The following RSRC1 variants were observed in gnomAD, a reference collection of about 807,000 sequenced individuals.
The protein encoded by RSRC1 is serine/Arginine-related protein 53.
Under a neutral mutation model 49.1 loss-of-function variants are expected in RSRC1, and 39 were observed. The observed-to-expected ratio is 0.79, with a 90% CI of 0.61 to 1.04. The LOEUF is 1.04. RSRC1 is among the 50% of genes least tolerant of loss of function. The pLI is 0.00. For missense variants in RSRC1, 388 were observed against 402.4 expected (o/e 0.96, Z 0.31); for synonymous variants, 143 against 130.8 (o/e 1.09, Z -0.63).
At chr3:158,290,429 C>T (rs899011971) in intron 4 of RSRC1, among the ~76,000 whole-genome samples, 36 of 152,046 alleles carry the variant, frequency 2.4e-4, no homozygotes, top group African/African-American at 7.7e-4. Context: ...CCCGCCACCA[C>T]GCCCAGCTAA....
chr3:158,203,180 T>C lies in RSRC1; in HGVS notation c.429T>C (p.Asp143=), dbSNP rs1721165488. 23 of 1,612,702 alleles carry C rather than the reference T, an allele frequency of 1.4e-5. No individual in the cohort carries two copies. The highest frequency in any genetic ancestry group is 2.0e-5 in the Non-Finnish European group (23 of 1,179,410). ...ATAGAGAACGACGTAAGGGCAGAGA[T>C]AAAGAGAAAAGAGAAAAGGAGAAGG... ...SRDRERRKGR[D]KEKREKEKDK... is the part of the protein sequence containing the mutation. Residue 143 remains aspartate, a synonymous_variant, in exon 4 of 10, where the codon GAT becomes GAC. Coordinates refer to ENST00000611884, the MANE Select transcript of RSRC1 (RefSeq NM_001271838.2).
intron 4 of RSRC1, among the ~76,000 whole-genome samples, chr3:158,273,690 C>G (rs532698495): frequency 6.6e-6 from 1 of 152,214 alleles, no homozygotes; most frequent in East Asian, 1.9e-4. Context: ...GATTGGTAAG[C>G]ATCCCCATAC....
chr3:158,208,646 C>T (rs753357330), intron 4 of RSRC1, among the ~76,000 whole-genome samples: 8 of 152,178 alleles, frequency 5.3e-5, no homozygotes, highest in Non-Finnish European at 7.3e-5. Context: ...ACTAGGATTA[C>T]AGGAGTGAGC....
intron 5 of RSRC1, among the ~76,000 whole-genome samples, chr3:158,330,553 G>A (rs1729485763): frequency 6.6e-6 from 1 of 152,096 alleles, no homozygotes; most frequent in Non-Finnish European, 1.5e-5. Flanking sequence ...GTTTTCAATA[G>A]GTACACTATA....
At chr3:158,281,655 A>G (rs1436675246) in intron 4 of RSRC1, among the ~76,000 whole-genome samples, 1 of 152,226 alleles carries the variant, frequency 6.6e-6, no homozygotes, top group Non-Finnish European at 1.5e-5. Flanking sequence ...GAAGTATTGA[A>G]CATTAATTCA....
chr3:158,213,286 A>G (rs1721783426), intron 4 of RSRC1, among the ~76,000 whole-genome samples: 1 of 151,906 alleles, frequency 6.6e-6, no homozygotes, highest in African/African-American at 2.4e-5. Context: ...TTTTCTACTA[A>G]AGCAGAGTAA....
intron 3 of RSRC1, among the ~76,000 whole-genome samples, chr3:158,157,614 G>T (rs2108220231): frequency 6.6e-6 from 1 of 152,272 alleles, no homozygotes; most frequent in African/African-American, 2.4e-5. Flanking sequence ...CTGCTCTGTA[G>T]ATTGTCTTTC....
Position 158,134,140 on chromosome 3 carries a change from G to A in RSRC1, c.320+10149G>A, listed in dbSNP as rs557944228. Among the ~76,000 whole-genome samples, 4 of 152,226 alleles carry A rather than the reference G, an allele frequency of 2.6e-5. No individual in the cohort carries two copies. The East Asian group carries it at 5.8e-4, about 22-fold the overall frequency. On this transcript the variant is annotated intron_variant, in intron 3 of 9. Coordinates refer to ENST00000611884, the MANE Select transcript of RSRC1 (RefSeq NM_001271838.2). ...TGAAAATATTGCTGAGTGAAGATTA[G>A]GATAGTTCTTATTAGAGCATAATAC...
rs947583225 is a variant in RSRC1 at position 158,364,640 on chromosome 3, A to G, written c.583+9732A>G. 3.9e-5 allele frequency among the ~76,000 whole-genome samples: 6 copies of G among 151,994 alleles called. No homozygotes were observed. In the East Asian group the frequency reaches 5.8e-4, roughly 15 times the overall value. ...TAAAACACTTAGAGCAGTACCTGAT[A>G]CATAGTAAGTATTCAGTTAATGTTA... On this transcript the variant is annotated intron_variant, in intron 6 of 9. Transcript: ENST00000611884.
At chr3:158,323,157 A>G (rs747810333) in intron 5 of RSRC1, among the ~76,000 whole-genome samples, 1 of 151,814 alleles carries the variant, frequency 6.6e-6, no homozygotes. Flanking sequence ...TCTTCTGAGT[A>G]TTTTAGGGTT....
chr3:158,358,437 T>C (rs1331733479), intron 6 of RSRC1, among the ~76,000 whole-genome samples: 2 of 152,176 alleles, frequency 1.3e-5, no homozygotes, highest in African/African-American at 4.8e-5. Flanking sequence ...TTCAATTCTA[T>C]TACTTCTGTA....
chr3:158,133,055 T>TA, intron 3 of RSRC1, among the ~76,000 whole-genome samples: 1 of 152,328 alleles, frequency 6.6e-6, no homozygotes, highest in African/African-American at 2.4e-5. Context: ...ATATGAATGT[T>TA]ACATTTATTC....
intron 6 of RSRC1, among the ~76,000 whole-genome samples, chr3:158,435,005 TTAAG>T (rs1388259650): frequency 2.0e-5 from 3 of 152,070 alleles, no homozygotes; most frequent in Non-Finnish European, 4.4e-5. Context: ...CTCAAACTCA[TTAAG>T]TGTTTTTTAT....
At chr3:158,372,334 A>T (rs10936134) in intron 6 of RSRC1, among the ~76,000 whole-genome samples, 1 of 151,592 alleles carries the variant, frequency 6.6e-6, no homozygotes, top group Admixed American at 6.6e-5. Context: ...TTTATATATG[A>T]TGAAGTATGG....
intron 3 of RSRC1, among the ~76,000 whole-genome samples, chr3:158,165,862 C>T (rs577375657): frequency 6.6e-6 from 1 of 152,286 alleles, no homozygotes; most frequent in Non-Finnish European, 1.5e-5. Flanking sequence ...CATTTATTAG[C>T]TTAAACAGTG....
At chr3:158,336,909 A>T (rs983119203) in intron 5 of RSRC1, 1 of 152,120 alleles carries the variant, frequency 6.6e-6, no homozygotes, top group African/African-American at 2.4e-5. Context: ...TATGTGTTTC[A>T]GTTTCTGATG....
intron 4 of RSRC1, among the ~76,000 whole-genome samples, chr3:158,203,600 T>G (rs1308995181): frequency 6.6e-6 from 1 of 152,188 alleles, no homozygotes; most frequent in East Asian, 1.9e-4. Context: ...AACTTAAAAT[T>G]TGTAGACTAC....
chr3:158,150,487 T>C (rs1194182937), intron 3 of RSRC1, among the ~76,000 whole-genome samples: 1 of 152,200 alleles, frequency 6.6e-6, no homozygotes, highest in Non-Finnish European at 1.5e-5. Context: ...AGTAATATTA[T>C]TTGCTAATTG....
chr3:158,335,458 G>A (rs1428049654), intron 5 of RSRC1, among the ~76,000 whole-genome samples: 1 of 152,148 alleles, frequency 6.6e-6, no homozygotes, highest in African/African-American at 2.4e-5. Flanking sequence ...ATAAGCTTGG[G>A]ATATTATTGA....
Sources: gnomAD v4.1 joint callset for allele counts (sites outside exome capture counted in the v4.1 genomes callset) on GRCh38, gnomAD v4.1.1 for gene constraint, MANE v1.5 for transcripts, NCBI Gene and HGNC (gene_info 2026-07-23, HGNC 2026-07-21) for gene names.